Variants in ECI1 observed in about 807,000 individuals in gnomAD.
ECI1 encodes enoyl-CoA delta isomerase 1, mitochondrial.
In ECI1, 34 loss-of-function variants were observed where a neutral mutation model predicts 34.2. The observed-to-expected ratio is 1.00, with a 90% CI of 0.76 to 1.33. The LOEUF is 1.33. Among genes scored for constraint, ECI1 ranks in the 40% most tolerant of loss-of-function variants. The probability of loss-of-function intolerance (pLI) is 0.00; values close to 1 mark genes in which losing one functional copy is unlikely to be tolerated. For missense variants in ECI1, 456 were observed against 422.2 expected, an observed-to-expected ratio of 1.08 and a Z score of -0.70; for synonymous variants, 211 against 193.0, an observed-to-expected ratio of 1.09 and a Z score of -0.77.
In ECI1 at chr16:2,240,038, CTT is replaced by C. The variant is rs749629268; in HGVS notation, c.848_849del (p.Lys283ArgfsTer57). 125 of 1,613,878 alleles carry C rather than the reference CTT, an allele frequency of 7.7e-5. No homozygotes were observed. The highest frequency in any genetic ancestry group is 1.0e-4 in the Non-Finnish European group (122 of 1,180,026). On this transcript the variant is annotated frameshift_variant, in exon 7 of 7. Transcript: ENST00000301729. LOFTEE classifies it high-confidence loss of function. ...ATCTGCAGGGACTTCTGGATGGAGT[CTT>C]TGGAGATGAAGCTGACGAAGTTCTG... ...DVQNFVSFIS[K>X]DSIQKSLQMY...
chr16:2,242,800 C>T (rs1032391025), intron 6 of ECI1: 18 of 554,346 alleles, frequency 3.2e-5, no homozygotes, highest in Middle Eastern at 4.8e-4. Flanking sequence ...CTCCCTGGAA[C>T]GCAGGGAGGA....
intron 2 of ECI1, 23 bp downstream of exon 2, chr16:2,251,293 C>A (rs1196434926): frequency 8.8e-7 from 1 of 1,141,768 alleles, no homozygotes; most frequent in South Asian, 3.6e-5. Context: ...CACGCCCGCC[C>A]TCCCTCGGCG....
chr16:2,250,943 T>C (rs1338934106), intron 2 of ECI1, among the ~76,000 whole-genome samples: 4 of 152,088 alleles, frequency 2.6e-5, no homozygotes, highest in Non-Finnish European at 5.9e-5. Flanking sequence ...TGCCTCAGCC[T>C]CCCAGGCATA....
rs144104118 is a variant in ECI1, at chr16:2,249,018, CTATTTATT to C, written c.167-2040_167-2033del. 4.0e-4 allele frequency among the ~76,000 whole-genome samples: 60 copies of C among 150,988 alleles called. 1 individual carries two copies. The highest frequency in any genetic ancestry group is 5.6e-4 in the African/African-American group (23 of 41,164). On this transcript the variant is annotated intron_variant, in intron 2 of 6. Coordinates refer to ENST00000301729, the MANE Select transcript of ECI1 (RefSeq NM_001919.4). ...AGGTTCATCCATGTGGTTGTCATTC[CTATTTATT>C]TATTTATTTATTTTATTTAATTAAT...
At chr16:2,244,358 G>T in intron 4 of ECI1, 48 bp downstream of exon 4, 1 of 1,593,910 alleles carries the variant, frequency 6.3e-7, no homozygotes, top group Middle Eastern at 1.7e-4. Context: ...ACCCCCTGGC[G>T]CTGGCCCAGA....
At position 2,250,286 on chromosome 16, in the gene ECI1, A is replaced by T. The variant is rs901423254; in HGVS notation, c.166+1030T>A. Among the ~76,000 whole-genome samples the T allele has an allele frequency of 9.3e-4, 130 of 140,362 alleles. 1 individual carries two copies. Among genetic ancestry groups the T allele is most frequent in the African/African-American group, 3.3e-3 (126 of 37,814 alleles). 92.1% of individuals were successfully genotyped at this position (140,362 alleles called of 152,430 possible). A position where few individuals can be genotyped will look rare whatever the true frequency, so the allele number is the denominator to read the frequency against. Reference sequence around the variant, plus strand: ...CAAAAAAAAAAAAAAAAAAAAAAAAAGTCAGTTTGAAGTTGGTCTTAGTTT... The same window carrying T: ...CAAAAAAAAAAAAAAAAAAAAAAAATGTCAGTTTGAAGTTGGTCTTAGTTT... On this transcript the variant is annotated intron_variant, in intron 2 of 6. Transcript: ENST00000301729.
intron 3 of ECI1, 116 bp downstream of exon 3, chr16:2,246,743 G>T: frequency 6.6e-7 from 1 of 1,523,036 alleles, no homozygotes; most frequent in Non-Finnish European, 9.0e-7. Context: ...GCTGCCGGCT[G>T]GCCTGTGCCA....
In ECI1 at chr16:2,242,841, A is replaced by C. The variant is rs160554; in HGVS notation, c.742+205T>G. 6.5e-3 allele frequency: 3,971 copies of C among 607,166 alleles called. 139 individuals carry two copies. Among genetic ancestry groups the C allele is most frequent in the African/African-American group, 0.065 (3,513 of 54,438 alleles). 37.6% of individuals were successfully genotyped at this position (607,166 alleles called of 1,614,324 possible). A position where few individuals can be genotyped will look rare whatever the true frequency, so the allele number is the denominator to read the frequency against. Reference sequence around the variant, plus strand: ...AGTCCTGCCCACACTTTGATTTTGCACCTCTGGTCTCCAGCACCGTGAGAT... The same window carrying C: ...AGTCCTGCCCACACTTTGATTTTGCCCCTCTGGTCTCCAGCACCGTGAGAT... On this transcript the variant is annotated intron_variant, in intron 6 of 6. Transcript: ENST00000301729.
intron 1 of ECI1, 22 bp downstream of exon 1, chr16:2,251,493 C>G (rs761303776): frequency 1.3e-6 from 2 of 1,557,000 alleles, no homozygotes; most frequent in South Asian, 2.4e-5. Context: ...GGCCCGATCC[C>G]TGCCCACCCC....
chr16:2,249,686 A>G (rs999578061), intron 2 of ECI1, among the ~76,000 whole-genome samples: 10 of 149,660 alleles, frequency 6.7e-5, no homozygotes, highest in Non-Finnish European at 8.9e-5. Context: ...CCTGGCTAAC[A>G]TGGTGAAACC....
In ECI1 at chr16:2,239,910, T is replaced by C. The variant is rs1567311232; in HGVS notation, c.*69A>G. ...CTGGCAGTACTTTTAAGTTGAAAAA[T>C]ACCTTGTTTAAGACCTCCCTGGGAC... On this transcript the variant is annotated 3_prime_UTR_variant, in exon 7 of 7. Coordinates refer to ENST00000301729, the MANE Select transcript of ECI1 (RefSeq NM_001919.4). 1 of 1,514,892 alleles carries C rather than the reference T, an allele frequency of 6.6e-7. No individual in the cohort carries two copies. Among genetic ancestry groups the C allele is most frequent in the Middle Eastern group, 1.7e-4 (1 of 5,870 alleles). The allele number at this position is 1,514,892 out of a possible 1,614,324, so 93.8% of individuals were successfully genotyped here.
Position 2,251,297 on chromosome 16 carries a change from C to A in ECI1, c.166+19G>T. ...GGTCCTGACCCCACGCCCGCCCTCC[C>A]TCGGCGCCGCCCGCTCACCTGCGCC... On this transcript the variant is annotated intron_variant, in intron 2 of 6. Coordinates refer to ENST00000301729, the MANE Select transcript of ECI1 (RefSeq NM_001919.4). 1 of 1,164,876 alleles carries A rather than the reference C, an allele frequency of 8.6e-7. No individual in the cohort carries two copies. Among genetic ancestry groups the A allele is most frequent in the South Asian group, 3.5e-5 (1 of 28,878 alleles). 72.2% of individuals were successfully genotyped at this position (1,164,876 alleles called of 1,614,324 possible).
intron 6 of ECI1, 28 bp downstream of exon 6, chr16:2,243,018 C>A: frequency 6.3e-7 from 1 of 1,582,960 alleles, no homozygotes. Flanking sequence ...CCAGCATCAT[C>A]GGGCGCCCGC....
At position 2,244,516 on chromosome 16, in the gene ECI1, T is replaced by A. The variant is rs1315161655; in HGVS notation, c.331A>T (p.Thr111Ser). 1.2e-5 allele frequency: 19 copies of A among 1,601,364 alleles called. No homozygotes were observed. Among genetic ancestry groups the A allele is most frequent in the Non-Finnish European group, 1.6e-5 (19 of 1,174,878 alleles). Reference sequence around the variant, plus strand: ...GCGGGGCTCCTCCCACACATCTCCGTCAGGTCCAGGCCGGCCGAGAAGACA... The same window carrying A: ...GCGGGGCTCCTCCCACACATCTCCGACAGGTCCAGGCCGGCCGAGAAGACA... ...PGVFSAGLDLTEMCGRSPAHY... is the reference protein window; with the variant it reads ...PGVFSAGLDLSEMCGRSPAHY... Residue 111 changes from threonine (T) to serine (S), a missense_variant, in exon 4 of 7, where the codon ACG (threonine) becomes TCG (serine). Physicochemically the swap from Thr to Ser is moderately conservative, Grantham distance 58 (BLOSUM62 1). Transcript: ENST00000301729.
chr16:2,247,948 G>T (rs1413451579), intron 2 of ECI1, among the ~76,000 whole-genome samples: 2 of 151,876 alleles, frequency 1.3e-5, no homozygotes, highest in African/African-American at 4.8e-5. Context: ...AGCTTAAGTG[G>T]TCCTTCTGCC....
intron 2 of ECI1, among the ~76,000 whole-genome samples, chr16:2,250,774 C>G (rs2093551443): frequency 6.6e-6 from 1 of 152,122 alleles, no homozygotes. Context: ...TTTCCACTTC[C>G]AATTGAATAA....
chr16:2,249,432 T>C (rs1334183668), intron 2 of ECI1, among the ~76,000 whole-genome samples: 2 of 152,012 alleles, frequency 1.3e-5, no homozygotes, highest in African/African-American at 2.4e-5. Flanking sequence ...GGGTTGTACA[T>C]TGCAAAATGG....
chr16:2,249,465 T>C (rs941221020), intron 2 of ECI1, among the ~76,000 whole-genome samples: 1 of 152,080 alleles, frequency 6.6e-6, no homozygotes, highest in Non-Finnish European at 1.5e-5. Flanking sequence ...ATGTGAGGCA[T>C]ATTTTAAAGA....
intron 4 of ECI1, 91 bp downstream of exon 4, chr16:2,244,315 G>T: frequency 6.9e-7 from 1 of 1,446,596 alleles, no homozygotes; most frequent in East Asian, 2.4e-5. Context: ...CTTCCCCTGT[G>T]AGAGATTCCA....
Sources: gnomAD v4.1 joint callset for allele counts (sites outside exome capture counted in the v4.1 genomes callset) on GRCh38, gnomAD v4.1.1 for gene constraint, MANE v1.5 for transcripts, NCBI Gene and HGNC (gene_info 2026-07-23, HGNC 2026-07-21) for gene names.